Variants in FBXL7 observed in about 807,000 individuals in gnomAD.
The protein encoded by FBXL7 is F-box/LRR-repeat protein 7.
In FBXL7, 12 loss-of-function variants were observed where a neutral mutation model predicts 38.3. That is an observed-to-expected ratio of 0.31 (90% CI 0.20 to 0.51). The LOEUF is 0.51. FBXL7 is among the 20% of genes least tolerant of loss of function. The pLI is 0.98. For missense variants in FBXL7, 567 were observed against 676.4 expected (o/e 0.84, Z 1.79); for synonymous variants, 297 against 300.9 (o/e 0.99, Z 0.13).
chr5:15,586,148 A>G lies in FBXL7; in HGVS notation c.38-29835A>G, dbSNP rs1432286301. 3.3e-5 allele frequency among the ~76,000 whole-genome samples: 5 copies of G among 152,006 alleles called. No individual in the cohort carries two copies. The East Asian group carries it at 7.7e-4, about 24-fold the overall frequency. ...TTGCTCTACACAGAATCTGGGGGGTATTAAGATTGATGAGGGAATCAGAGC... is the reference window on the plus strand; with the variant it reads ...TTGCTCTACACAGAATCTGGGGGGTGTTAAGATTGATGAGGGAATCAGAGC... On this transcript the variant is annotated intron_variant, in intron 1 of 3. Transcript: ENST00000504595.
intron 2 of FBXL7, among the ~76,000 whole-genome samples, chr5:15,759,144 T>C (rs1265819431): frequency 6.6e-6 from 1 of 152,214 alleles, no homozygotes; most frequent in African/African-American, 2.4e-5. Context: ...CTATATTTTA[T>C]TTAGTAGCAG....
intron 1 of FBXL7, among the ~76,000 whole-genome samples, chr5:15,573,176 G>C (rs1334891790): frequency 6.6e-6 from 1 of 152,188 alleles, no homozygotes; most frequent in Non-Finnish European, 1.5e-5. Context: ...AAGGGAGACA[G>C]TACAAATGTT....
At chr5:15,610,145 C>G (rs1282013663) in intron 1 of FBXL7, among the ~76,000 whole-genome samples, 2 of 152,226 alleles carry the variant, frequency 1.3e-5, no homozygotes, top group Non-Finnish European at 2.9e-5. Flanking sequence ...TTATCTCCCA[C>G]CAGGGGTCCC....
At chr5:15,549,928 G>T (rs1355187173) in intron 1 of FBXL7, among the ~76,000 whole-genome samples, 1 of 152,156 alleles carries the variant, frequency 6.6e-6, no homozygotes, top group Non-Finnish European at 1.5e-5. Flanking sequence ...GGGTGGAAGG[G>T]GATGCTTAGA....
intron 2 of FBXL7, among the ~76,000 whole-genome samples, chr5:15,622,176 A>G (rs1325982824): frequency 6.6e-6 from 1 of 152,046 alleles, no homozygotes; most frequent in Non-Finnish European, 1.5e-5. Flanking sequence ...CACATGGTGT[A>G]TTTGCTCAAT....
At chr5:15,512,092 C>G (rs1286066238) in intron 1 of FBXL7, among the ~76,000 whole-genome samples, 1 of 152,134 alleles carries the variant, frequency 6.6e-6, no homozygotes, top group Non-Finnish European at 1.5e-5. Context: ...AACTGGGGAC[C>G]CTCAGCATCA....
chr5:15,813,403 T>C (rs1470743957), intron 2 of FBXL7, among the ~76,000 whole-genome samples: 1 of 152,196 alleles, frequency 6.6e-6, no homozygotes, highest in East Asian at 1.9e-4. Context: ...ACCCATTCTT[T>C]ACACCTTATA....
intron 2 of FBXL7, among the ~76,000 whole-genome samples, chr5:15,922,231 G>A (rs1741762448): frequency 6.6e-6 from 1 of 151,880 alleles, no homozygotes; most frequent in Non-Finnish European, 1.5e-5. Flanking sequence ...CCACAATATA[G>A]ATGGATCTAG....
intron 1 of FBXL7, among the ~76,000 whole-genome samples, chr5:15,539,935 T>C (rs1737699748): frequency 6.6e-6 from 1 of 152,216 alleles, no homozygotes; most frequent in Non-Finnish European, 1.5e-5. Context: ...GTTGTATTTC[T>C]CATTATTTTA....
Position 15,651,016 on chromosome 5 carries a change from A to G in FBXL7, c.127+34944A>G, listed in dbSNP as rs181120430. Reference sequence around the variant, plus strand: ...GCATCCAGAATGATGAATTCTTTCTAGAAAATTTTCAGTTTTACAGATTCA... The same window carrying G: ...GCATCCAGAATGATGAATTCTTTCTGGAAAATTTTCAGTTTTACAGATTCA... On this transcript the variant is annotated intron_variant, in intron 2 of 3. Transcript: ENST00000504595. Among the ~76,000 whole-genome samples the G allele has an allele frequency of 4.2e-3, 632 of 152,164 alleles. 5 individuals carry two copies. Among genetic ancestry groups the G allele is most frequent in the African/African-American group, 0.015 (604 of 41,520 alleles).
At chr5:15,669,943 G>A (rs1742411166) in intron 2 of FBXL7, among the ~76,000 whole-genome samples, 1 of 152,152 alleles carries the variant, frequency 6.6e-6, no homozygotes, top group Non-Finnish European at 1.5e-5. Flanking sequence ...TGGAAGTGAT[G>A]TGTCACTTCC....
chr5:15,579,704 G>C (rs1451628679), intron 1 of FBXL7, among the ~76,000 whole-genome samples: 4 of 152,132 alleles, frequency 2.6e-5, no homozygotes, highest in Non-Finnish European at 4.4e-5. Context: ...GAAGGTCTTG[G>C]TGGAGTGGAT....
At chr5:15,843,848 C>T (rs934880670) in intron 2 of FBXL7, among the ~76,000 whole-genome samples, 2 of 150,788 alleles carry the variant, frequency 1.3e-5, no homozygotes, top group African/African-American at 4.9e-5. Flanking sequence ...GTGTATTAAG[C>T]TATACTATAT....
intron 2 of FBXL7, among the ~76,000 whole-genome samples, chr5:15,689,961 C>T (rs749948844): frequency 1.6e-4 from 25 of 152,180 alleles, no homozygotes; most frequent in African/African-American, 5.3e-4. Context: ...ACCCTCTACA[C>T]GCCAATTGCA....
intron 1 of FBXL7, among the ~76,000 whole-genome samples, chr5:15,532,586 A>G (rs73751972): frequency 0.011 from 1,706 of 152,312 alleles, 29 homozygotes; most frequent in African/African-American, 0.038. Context: ...TTACTGACCA[A>G]CTGGGACCAA....
intron 2 of FBXL7, among the ~76,000 whole-genome samples, chr5:15,796,908 T>G (rs2126736908): frequency 6.6e-6 from 1 of 152,306 alleles, no homozygotes; most frequent in East Asian, 1.9e-4. Context: ...CAGTGGGAGA[T>G]TCAGAGAAGC....
At chr5:15,605,824 T>C (rs982422587) in intron 1 of FBXL7, among the ~76,000 whole-genome samples, 3 of 152,192 alleles carry the variant, frequency 2.0e-5, no homozygotes, top group African/African-American at 7.2e-5. Flanking sequence ...CTTCACTTTG[T>C]CATTTGGCAA....
chr5:15,714,262 A>G (rs776247642), intron 2 of FBXL7, among the ~76,000 whole-genome samples: 5 of 152,106 alleles, frequency 3.3e-5, no homozygotes, highest in Admixed American at 6.6e-5. Flanking sequence ...TGGTTGTTTA[A>G]AACTGTGTGG....
intron 2 of FBXL7, among the ~76,000 whole-genome samples, chr5:15,784,638 C>T (rs1737085973): frequency 2.0e-5 from 3 of 152,032 alleles, no homozygotes; most frequent in Admixed American, 2.0e-4. Flanking sequence ...TCAAGAGATC[C>T]CATTGCTTAA....
Sources: gnomAD v4.1 joint callset for allele counts (sites outside exome capture counted in the v4.1 genomes callset) on GRCh38, gnomAD v4.1.1 for gene constraint, MANE v1.5 for transcripts, NCBI Gene and HGNC (gene_info 2026-07-23, HGNC 2026-07-21) for gene names.